Variants in SDK1 observed in about 807,000 individuals in gnomAD.
SDK1 encodes the protein protein sidekick-1.
A neutral mutation model predicts 245.5 loss-of-function variants in SDK1; 157 were observed. The observed-to-expected ratio is 0.64, with a 90% CI of 0.56 to 0.73. SDK1 has a LOEUF of 0.73. Among genes scored for constraint, SDK1 ranks in the 30% least tolerant of loss-of-function variants. The pLI, the probability that SDK1 is intolerant of heterozygous loss-of-function variation, is 0.00. For missense variants in SDK1, 3,583 were observed against 3,002.3 expected (o/e 1.19, Z -4.52); for synonymous variants, 1,647 against 1,278.5 (o/e 1.29, Z -6.15).
rs113904701 is a variant in SDK1, at chr7:4,069,303, G to GTT, written c.3010+1374_3010+1375dup. On this transcript the variant is annotated intron_variant, in intron 20 of 44. Coordinates refer to ENST00000404826, the MANE Select transcript of SDK1 (RefSeq NM_152744.4). ...ACAACTCAGCCTCCAACAGACATCT[G>GTT]TTTTTTTTCTAAACATTACCAAGGA... Among the ~76,000 whole-genome samples the GTT allele has an allele frequency of 7.0e-3, 1,063 of 152,086 alleles. 10 individuals are homozygous for GTT. The highest frequency in any genetic ancestry group is 0.024 in the African/African-American group (996 of 41,452).
At chr7:3,593,016 T>C (rs535494232) in intron 1 of SDK1, among the ~76,000 whole-genome samples, 1 of 152,304 alleles carries the variant, frequency 6.6e-6, no homozygotes, top group African/African-American at 2.4e-5. Context: ...TGCTGACACC[T>C]GGACAAAACG....
intron 4 of SDK1, among the ~76,000 whole-genome samples, chr7:3,695,901 A>C (rs1159135921): frequency 2.6e-5 from 4 of 152,194 alleles, no homozygotes; most frequent in Admixed American, 2.6e-4. Flanking sequence ...ATCAAAGCTA[A>C]TGAGCAATTT....
At chr7:3,369,506 TAC>T (rs1186897297) in intron 1 of SDK1, among the ~76,000 whole-genome samples, 1 of 152,162 alleles carries the variant, frequency 6.6e-6, no homozygotes, top group Non-Finnish European at 1.5e-5. Flanking sequence ...AACTCTTACA[TAC>T]AGAGTGTTCT....
chr7:4,149,325 G>A lies in SDK1; in HGVS notation c.4487G>A (p.Arg1496Gln), dbSNP rs141114121. Reference sequence around the variant, plus strand: ...GCAGAAGTGACCGCACGCAGCCTCCGGCTCCAGTGGGTCCCGGGCAGCGAC... The same window carrying A: ...GCAGAAGTGACCGCACGCAGCCTCCAGCTCCAGTGGGTCCCGGGCAGCGAC... ...PQAEVTARSL[R>Q]LQWVPGSDGA... The change falls in exon 30 of 45, where the codon CGG becomes CAG. Residue 1496 changes from arginine to glutamine, a missense_variant. Physicochemically the swap from Arg to Gln is conservative, Grantham distance 43. Coordinates refer to ENST00000404826, the MANE Select transcript of SDK1 (RefSeq NM_152744.4). The A allele has an allele frequency of 3.5e-5, 56 of 1,590,784 alleles. 2 individuals are homozygous for A. The highest frequency in any genetic ancestry group is 1.4e-4 in the South Asian group (12 of 87,820).
At chr7:3,888,242 G>A (rs1000750935) in intron 5 of SDK1, among the ~76,000 whole-genome samples, 3 of 152,158 alleles carry the variant, frequency 2.0e-5, no homozygotes, top group African/African-American at 4.8e-5. Flanking sequence ...TGAAAACTGC[G>A]GAAATAATTC....
At chr7:3,805,708 ATGTATGAAACACATCTAGTGCTAGTC>A (rs1050618543) in intron 4 of SDK1, among the ~76,000 whole-genome samples, 1 of 152,190 alleles carries the variant, frequency 6.6e-6, no homozygotes, top group Non-Finnish European at 1.5e-5. Context: ...TAGTGAACAA[ATGTATGAAACACATCTAGTGCTAGTC>A]TTTGCTTGGT....
intron 1 of SDK1, among the ~76,000 whole-genome samples, chr7:3,465,214 C>G (rs568915227): frequency 5.9e-5 from 9 of 152,290 alleles, no homozygotes; most frequent in Non-Finnish European, 1.3e-4. Flanking sequence ...TGTAGCATCT[C>G]TGGATTCTGG....
chr7:3,543,889 C>T (rs570950284), intron 1 of SDK1, among the ~76,000 whole-genome samples: 2 of 152,180 alleles, frequency 1.3e-5, no homozygotes, highest in Non-Finnish European at 2.9e-5. Flanking sequence ...AGTACAAACA[C>T]CAACAGCCAT....
chr7:3,634,848 G>C (rs777704183), intron 2 of SDK1, among the ~76,000 whole-genome samples: 2 of 152,166 alleles, frequency 1.3e-5, no homozygotes, highest in Non-Finnish European at 2.9e-5. Flanking sequence ...TTTGAAAGCA[G>C]TTCTATTTTT....
At chr7:4,034,481 A>T (rs1788073030) in intron 17 of SDK1, among the ~76,000 whole-genome samples, 1 of 152,174 alleles carries the variant, frequency 6.6e-6, no homozygotes, top group South Asian at 2.1e-4. Context: ...AACAGTTTTT[A>T]ATGTCTTTAT....
intron 1 of SDK1, among the ~76,000 whole-genome samples, chr7:3,467,282 G>T (rs185104347): frequency 6.6e-6 from 1 of 151,776 alleles, no homozygotes; most frequent in Admixed American, 6.6e-5. Flanking sequence ...GAAACATTTG[G>T]AGCCAATTAA....
intron 4 of SDK1, among the ~76,000 whole-genome samples, chr7:3,686,683 C>T (rs995097292): frequency 4.6e-5 from 7 of 152,174 alleles, no homozygotes; most frequent in African/African-American, 7.2e-5. Context: ...AAAGAAGCTA[C>T]GACTCTGTTG....
chr7:3,820,647 G>A (rs547950006), intron 4 of SDK1, among the ~76,000 whole-genome samples: 1 of 152,284 alleles, frequency 6.6e-6, no homozygotes, highest in East Asian at 1.9e-4. Context: ...GGTATGATTG[G>A]ATGAGTATTA....
rs568826509 is a variant in SDK1, at chr7:4,194,207, G to T, written c.5099-11672G>T. On this transcript the variant is annotated intron_variant, in intron 35 of 44. Transcript: ENST00000404826. ...AACTAATAGGAGAGAGAGCGAGAGA[G>T]ATATATATATGTATACACGTATGTG... 1.6e-4 allele frequency among the ~76,000 whole-genome samples: 24 copies of T among 151,454 alleles called. 1 individual carries two copies. The highest frequency in any genetic ancestry group is 3.2e-4 in the African/African-American group (13 of 41,074).
intron 32 of SDK1, among the ~76,000 whole-genome samples, chr7:4,172,043 G>A (rs984369393): frequency 9.8e-5 from 15 of 152,344 alleles, no homozygotes; most frequent in Admixed American, 9.1e-4. Context: ...GTGTCTAAGG[G>A]TGTGGGTTTG....
Position 4,208,293 on chromosome 7 carries a change from G to A in SDK1, c.5401+8G>A, listed in dbSNP as rs1033861926. On this transcript the variant is annotated splice_region_variant and intron_variant, in intron 37 of 44. Transcript: ENST00000404826. ...GGCGCACCCACCAGGCCGGTAGGAG[G>A]AAGGCGGGTTTCCTTTGGGCAGGCC... 6.2e-7 allele frequency: 1 copy of A among 1,611,296 alleles called. No homozygotes were observed. The highest frequency in any genetic ancestry group is 1.3e-5 in the African/African-American group (1 of 74,932).
intron 4 of SDK1, among the ~76,000 whole-genome samples, chr7:3,785,147 A>C (rs1780860232): frequency 1.3e-5 from 2 of 152,192 alleles, no homozygotes; most frequent in Admixed American, 1.3e-4. Context: ...GTGAATCTGA[A>C]ACAATAACTC....
intron 35 of SDK1, among the ~76,000 whole-genome samples, chr7:4,204,953 G>A (rs1784113550): frequency 6.6e-6 from 1 of 152,272 alleles, no homozygotes; most frequent in African/African-American, 2.4e-5. Context: ...CTGCCTAAAT[G>A]GCTGTGTGGT....
At chr7:3,934,968 A>G (rs987489701) in intron 5 of SDK1, among the ~76,000 whole-genome samples, 7 of 152,168 alleles carry the variant, frequency 4.6e-5, no homozygotes, top group African/African-American at 1.4e-4. Flanking sequence ...TTGCTTACCC[A>G]AGGAGGGGAG....
Sources: allele counts gnomAD v4.1 joint callset (sites outside exome capture counted in the v4.1 genomes callset), GRCh38; gene constraint gnomAD v4.1.1; transcripts MANE v1.5; gene names NCBI Gene and HGNC (gene_info 2026-07-23, HGNC 2026-07-21).